Variants in CCDC149 observed in about 807,000 individuals in gnomAD.
CCDC149 encodes coiled-coil domain-containing protein 149.
A neutral mutation model predicts 59.9 loss-of-function variants in CCDC149; 45 were observed. The observed-to-expected ratio is 0.75, with a 90% confidence interval of 0.59 to 0.96. The LOEUF is 0.96. CCDC149 is among the 40% of genes least tolerant of loss of function. The pLI, the probability that CCDC149 is intolerant of heterozygous loss-of-function variation, is 0.00. For missense variants in CCDC149, 584 were observed against 664.7 expected (o/e 0.88, Z 1.33); for synonymous variants, 245 against 260.6 (o/e 0.94, Z 0.58).
At chr4:24,908,581 C>T (rs923095850) in intron 1 of CCDC149, among the ~76,000 whole-genome samples, 1 of 151,690 alleles carries the variant, frequency 6.6e-6, no homozygotes, top group Admixed American at 6.6e-5. Flanking sequence ...GTGCCTGTAA[C>T]TCCAGCTACT....
chr4:24,949,604 T>C (rs562642166), intron 1 of CCDC149, among the ~76,000 whole-genome samples: 1 of 152,258 alleles, frequency 6.6e-6, no homozygotes, highest in Non-Finnish European at 1.5e-5. Context: ...GAATTCCTAG[T>C]CTCAAGGGGC....
At chr4:24,964,537 CAA>C (rs1398356606) in intron 1 of CCDC149, among the ~76,000 whole-genome samples, 1 of 152,060 alleles carries the variant, frequency 6.6e-6, no homozygotes, top group Non-Finnish European at 1.5e-5. Flanking sequence ...ACTGAAAACA[CAA>C]CTTATCAGAA....
At chr4:24,950,933 C>T (rs1276586432) in intron 1 of CCDC149, among the ~76,000 whole-genome samples, 2 of 152,194 alleles carry the variant, frequency 1.3e-5, no homozygotes, top group Non-Finnish European at 2.9e-5. Context: ...CTGGCTGCTC[C>T]CTGTGTTCCT....
intron 2 of CCDC149, among the ~76,000 whole-genome samples, chr4:24,874,158 T>C (rs1719232133): frequency 6.6e-6 from 1 of 151,456 alleles, no homozygotes; most frequent in Non-Finnish European, 1.5e-5. Context: ...GAGAGTTTTC[T>C]CTGTGGGCAG....
chr4:24,871,639 AC>A (rs1577432918), intron 3 of CCDC149, among the ~76,000 whole-genome samples: 1 of 152,178 alleles, frequency 6.6e-6, no homozygotes, highest in East Asian at 1.9e-4. Context: ...TCTCATAAAT[AC>A]ATGTATAAGA....
intron 1 of CCDC149, among the ~76,000 whole-genome samples, chr4:24,931,329 A>ATATATATATATATATATATATATATATC (rs1324334564): frequency 6.8e-6 from 1 of 146,110 alleles, no homozygotes; most frequent in African/African-American, 2.6e-5. Flanking sequence ...ATATATATAT[A>ATATATATATATATATATATATATATATC]TATCTCAGTA....
At chr4:24,815,757 T>A (rs1218997713) in intron 12 of CCDC149, among the ~76,000 whole-genome samples, 1 of 152,198 alleles carries the variant, frequency 6.6e-6, no homozygotes, top group African/African-American at 2.4e-5. Context: ...TAGATGACAT[T>A]CTGCTCATGT....
chr4:24,891,262 T>C (rs1330343642), intron 1 of CCDC149, among the ~76,000 whole-genome samples: 1 of 152,220 alleles, frequency 6.6e-6, no homozygotes, highest in Non-Finnish European at 1.5e-5. Flanking sequence ...TCCTCGTGAT[T>C]CAAATCACTG....
At chr4:24,952,562 C>T (rs1200006338) in intron 1 of CCDC149, among the ~76,000 whole-genome samples, 2 of 123,772 alleles carry the variant, frequency 1.6e-5, no homozygotes, top group Admixed American at 2.1e-4. Context: ...CACTACTGCA[C>T]TCCAGCCTGG....
At chr4:24,816,691 C>G (rs1422855890) in intron 12 of CCDC149, among the ~76,000 whole-genome samples, 2 of 152,048 alleles carry the variant, frequency 1.3e-5, no homozygotes, top group Non-Finnish European at 2.9e-5. Flanking sequence ...TTATCATTAA[C>G]ACTTATTATT....
chr4:24,937,775 C>T (rs1722827248), intron 1 of CCDC149, among the ~76,000 whole-genome samples: 1 of 152,196 alleles, frequency 6.6e-6, no homozygotes, highest in African/African-American at 2.4e-5. Context: ...CTCCTCCTAA[C>T]TGTAAGGGGT....
At chr4:24,897,796 GA>G (rs1412308322) in intron 1 of CCDC149, among the ~76,000 whole-genome samples, 1 of 152,236 alleles carries the variant, frequency 6.6e-6, no homozygotes, top group African/African-American at 2.4e-5. Flanking sequence ...TACGAAGTCA[GA>G]AGGTAACTAG....
intron 1 of CCDC149, among the ~76,000 whole-genome samples, chr4:24,961,691 C>G (rs999229984): frequency 3.3e-5 from 5 of 152,008 alleles, no homozygotes; most frequent in African/African-American, 9.7e-5. Context: ...ACAAACCTGA[C>G]AAAAACAAGA....
intron 1 of CCDC149, among the ~76,000 whole-genome samples, chr4:24,897,075 A>G (rs923670122): frequency 1.3e-5 from 2 of 152,136 alleles, no homozygotes; most frequent in African/African-American, 4.8e-5. Context: ...AATCCAACCC[A>G]TGGCGGCCAG....
Position 24,974,604 on chromosome 4 carries a change from T to C in CCDC149, c.-65+5465A>G, listed in dbSNP as rs76817063. On this transcript the variant is annotated intron_variant, in intron 1 of 12. Coordinates refer to the CCDC149 transcript ENST00000389609. ...TATGGCTTTCTTTTTTCCTTCTCACTAGTCTTTGAGCTTCTTAAAGGGAAG... is the reference window on the plus strand; with the variant it reads ...TATGGCTTTCTTTTTTCCTTCTCACCAGTCTTTGAGCTTCTTAAAGGGAAG... Among the ~76,000 whole-genome samples the C allele has an allele frequency of 1.9e-4, 29 of 152,356 alleles. No individual in the cohort carries two copies. The East Asian group carries it at 5.2e-3, about 27-fold the overall frequency.
chr4:24,822,431 G>A (rs1391660103), intron 10 of CCDC149, 66 bp downstream of exon 10: 32 of 1,019,516 alleles, frequency 3.1e-5, no homozygotes, highest in Non-Finnish European at 4.4e-5. Context: ...AAATTACGTG[G>A]GAGCTTCATT....
chr4:24,959,446 G>C (rs764898869), intron 1 of CCDC149, among the ~76,000 whole-genome samples: 1 of 151,894 alleles, frequency 6.6e-6, no homozygotes, highest in Non-Finnish European at 1.5e-5. Flanking sequence ...CCTTTGACTG[G>C]ATACCAACCT....
At chr4:24,906,375 A>ATTTTTATTTTATTTATTTTG (rs1553859575) in intron 1 of CCDC149, among the ~76,000 whole-genome samples, 2 of 10,464 alleles carry the variant, frequency 1.9e-4, no homozygotes, top group Non-Finnish European at 1.3e-3. Context: ...ATTTTATTTT[A>ATTTTTATTTTATTTATTTTG]TTTTATTTTA....
At chr4:24,930,137 A>G (rs542560140) in intron 1 of CCDC149, among the ~76,000 whole-genome samples, 1 of 152,252 alleles carries the variant, frequency 6.6e-6, no homozygotes, top group Non-Finnish European at 1.5e-5. Context: ...TAACTGGGTG[A>G]GTGGAAAGTG....
Sources: allele counts gnomAD v4.1 joint callset (sites outside exome capture counted in the v4.1 genomes callset), GRCh38; gene constraint gnomAD v4.1.1; transcripts MANE v1.5; gene names NCBI Gene and HGNC (gene_info 2026-07-23, HGNC 2026-07-21).